PKHD1: variants seen among roughly 807,000 people sequenced by gnomAD.
PKHD1 encodes the protein fibrocystin.
A neutral mutation model predicts 412.0 loss-of-function variants in PKHD1; 291 were observed. The observed-to-expected ratio is 0.71, with a 90% CI of 0.64 to 0.78. The LOEUF is 0.78. Among genes scored for constraint, PKHD1 ranks in the 30% least tolerant of loss-of-function variants. The probability of loss-of-function intolerance (pLI) is 0.00; values close to 1 mark genes in which losing one functional copy is unlikely to be tolerated. For synonymous variants in PKHD1, 1,777 were observed against 1,821.5 expected (o/e 0.98, Z 0.62); for missense variants, 4,825 against 4,950.7 (o/e 0.97, Z 0.76).
At chr6:51,713,006 G>A (rs1374846242) in intron 60 of PKHD1, among the ~76,000 whole-genome samples, 1 of 152,096 alleles carries the variant, frequency 6.6e-6, no homozygotes, top group Non-Finnish European at 1.5e-5. Context: ...CAGCTGAGAG[G>A]TTAAAACAGA....
intron 48 of PKHD1, among the ~76,000 whole-genome samples, chr6:51,863,823 A>G (rs1056747336): frequency 1.3e-5 from 2 of 152,194 alleles, no homozygotes; most frequent in African/African-American, 2.4e-5. Flanking sequence ...TAAGGACACT[A>G]AAGGAAGATC....
intron 35 of PKHD1, among the ~76,000 whole-genome samples, chr6:51,982,129 C>G (rs1488179638): frequency 3.4e-4 from 19 of 55,658 alleles, no homozygotes; most frequent in Admixed American, 1.5e-3. Context: ...GGCAGCCACC[C>G]CGTCTGGGAA....
chr6:51,798,676 T>C (rs1363609076), intron 52 of PKHD1, among the ~76,000 whole-genome samples: 2 of 152,158 alleles, frequency 1.3e-5, no homozygotes, highest in Non-Finnish European at 2.9e-5. Flanking sequence ...CTTGCATAGC[T>C]AGGTTGGGGA....
At chr6:51,800,506 A>G (rs1028870591) in intron 52 of PKHD1, among the ~76,000 whole-genome samples, 1 of 152,230 alleles carries the variant, frequency 6.6e-6, no homozygotes, top group East Asian at 1.9e-4. Flanking sequence ...CTTCTTTTGT[A>G]TCAAGAACAA....
At chr6:51,963,389 T>C (rs551521994) in intron 35 of PKHD1, among the ~76,000 whole-genome samples, 8 of 152,128 alleles carry the variant, frequency 5.3e-5, no homozygotes, top group Admixed American at 3.3e-4. Context: ...CCCCTTAGCA[T>C]AACAAAGATA....
At chr6:51,809,702 T>C (rs1366627316) in intron 52 of PKHD1, among the ~76,000 whole-genome samples, 1 of 152,070 alleles carries the variant, frequency 6.6e-6, no homozygotes, top group Admixed American at 6.6e-5. Flanking sequence ...ACATGACATA[T>C]GAATTTTTTG....
In PKHD1 at chr6:51,944,631, C is replaced by T. The variant is rs528163937; in HGVS notation, c.5909-10309G>A. On this transcript the variant is annotated intron_variant, in intron 36 of 66. Transcript: ENST00000371117. The stretch of plus-strand genomic sequence containing the variant: ...ATATTCCCCATACCCTAGTTCCCTG[C>T]CCAACAAACTACCCTTGAAAACCCC... Among the ~76,000 whole-genome samples, 11 of 152,296 alleles carry T rather than the reference C, an allele frequency of 7.2e-5. No individual in the cohort carries two copies. In the South Asian group the frequency reaches 2.3e-3, roughly 32 times the overall value.
At chr6:51,901,947 T>G (rs188644510) in intron 43 of PKHD1, among the ~76,000 whole-genome samples, 1 of 152,296 alleles carries the variant, frequency 6.6e-6, no homozygotes, top group African/African-American at 2.4e-5. Context: ...CAGGTCATTT[T>G]GCAAAGGCTC....
chr6:51,843,776 CT>C (rs1409675610), intron 50 of PKHD1, among the ~76,000 whole-genome samples: 1 of 152,228 alleles, frequency 6.6e-6, no homozygotes, highest in Non-Finnish European at 1.5e-5. Flanking sequence ...AGGTTCTTCA[CT>C]TGTGGTCTGT....
intron 52 of PKHD1, among the ~76,000 whole-genome samples, chr6:51,799,862 C>T (rs1332793148): frequency 2.6e-5 from 4 of 152,192 alleles, no homozygotes; most frequent in Non-Finnish European, 5.9e-5. Flanking sequence ...ATTTATACAA[C>T]TTACTTAATA....
intron 50 of PKHD1, among the ~76,000 whole-genome samples, chr6:51,840,518 A>C (rs1769995894): frequency 6.6e-6 from 1 of 152,148 alleles, no homozygotes; most frequent in South Asian, 2.1e-4. Flanking sequence ...GAAGAATAAC[A>C]ATTGTTATTC....
At chr6:52,053,015 G>T in intron 21 of PKHD1, 61 bp downstream of exon 21, 2 of 1,503,248 alleles carry the variant, frequency 1.3e-6, no homozygotes, top group Non-Finnish European at 9.3e-7. Context: ...GTAACCCCTA[G>T]CAGGAAAGTT....
intron 21 of PKHD1, among the ~76,000 whole-genome samples, chr6:52,050,684 C>T (rs1806687028): frequency 6.6e-6 from 1 of 152,280 alleles, no homozygotes; most frequent in Admixed American, 6.5e-5. Flanking sequence ...TTAGCTGATC[C>T]TCTTAGGAGC....
chr6:51,850,011 G>C (rs1395905060), intron 49 of PKHD1, among the ~76,000 whole-genome samples: 1 of 152,154 alleles, frequency 6.6e-6, no homozygotes, highest in Non-Finnish European at 1.5e-5. Context: ...TTCTTCTAGG[G>C]TTTTTATGGT....
Position 52,056,739 on chromosome 6 carries a change from G to T in PKHD1, c.1652C>A (p.Pro551His). Reference sequence around the variant, plus strand: ...CCGGAGAAGGATGTTAGACCAAAGGGGTTCCAGTTTGCATTTTACTGCAAG... The same window carrying T: ...CCGGAGAAGGATGTTAGACCAAAGGTGTTCCAGTTTGCATTTTACTGCAAG... Reference protein sequence around the residue: ...ELLAVKCKLEPLWSNILLRLG... With the variant: ...ELLAVKCKLEHLWSNILLRLG... Residue 551 changes from proline to histidine, a missense_variant, in exon 18 of 67, where the codon CCC (proline) becomes CAC (histidine). Physicochemically the swap from Pro to His is moderately conservative, Grantham distance 77. Coordinates refer to ENST00000371117, the MANE Select transcript of PKHD1 (RefSeq NM_138694.4). 1.9e-6 allele frequency: 3 copies of T among 1,613,832 alleles called. No individual in the cohort carries two copies. The highest frequency in any genetic ancestry group is 2.5e-6 in the Non-Finnish European group (3 of 1,179,806).
chr6:51,743,082 G>A (rs1282814433), intron 60 of PKHD1, among the ~76,000 whole-genome samples: 1 of 152,156 alleles, frequency 6.6e-6, no homozygotes, highest in Admixed American at 6.5e-5. Context: ...GCAGGAACCA[G>A]GGGCTACAAG....
At chr6:51,886,413 T>C (rs1778224226) in intron 44 of PKHD1, among the ~76,000 whole-genome samples, 1 of 152,214 alleles carries the variant, frequency 6.6e-6, no homozygotes, top group East Asian at 1.9e-4. Context: ...ATCAATAGGT[T>C]AATGGCTGGG....
At chr6:51,832,852 T>C (rs1768504452) in intron 51 of PKHD1, among the ~76,000 whole-genome samples, 1 of 152,046 alleles carries the variant, frequency 6.6e-6, no homozygotes, top group African/African-American at 2.4e-5. Flanking sequence ...AACCTAAAAG[T>C]ATATAGATTG....
chr6:51,856,079 A>AT lies in PKHD1; in HGVS notation c.7734-10dup, dbSNP rs755472412. 6.4e-7 allele frequency: 1 copy of AT among 1,557,510 alleles called. No homozygotes were observed. Among genetic ancestry groups the AT allele is most frequent in the East Asian group, 2.3e-5 (1 of 44,088 alleles). ...CTTCAGGAGTATTCGCTCTAAGGTG[A>AT]TTTTAAAAGGAAAAAAAATGGGTTG... is the stretch of plus-strand genomic sequence containing the variant. On this transcript the variant is annotated splice_polypyrimidine_tract_variant and intron_variant, in intron 48 of 66. Transcript: ENST00000371117.
Sources: allele counts gnomAD v4.1 joint callset (sites outside exome capture counted in the v4.1 genomes callset), GRCh38; gene constraint gnomAD v4.1.1; transcripts MANE v1.5; gene names NCBI Gene and HGNC (gene_info 2026-07-23, HGNC 2026-07-21).